DIXDC1: variants seen among roughly 807,000 people sequenced by gnomAD.
DIXDC1 encodes the protein DIX domain containing 1.
DIXDC1 carries 64 observed loss-of-function variants against 103.1 expected under a neutral mutation model. The ratio of observed to expected loss-of-function variants is 0.62; its 90% CI spans 0.51 to 0.76. DIXDC1 has a LOEUF of 0.76. Among genes scored for constraint, DIXDC1 ranks in the 30% least tolerant of loss-of-function variants. DIXDC1 has a pLI of 0.00. For synonymous variants in DIXDC1, 266 were observed against 298.5 expected (o/e 0.89, Z 1.12); for missense variants, 759 against 834.2 (o/e 0.91, Z 1.11).
chr11:111,951,536 A>G (rs781987399), intron 1 of DIXDC1, among the ~76,000 whole-genome samples: 2 of 152,206 alleles, frequency 1.3e-5, no homozygotes, highest in Non-Finnish European at 2.9e-5. Context: ...GACTAATATT[A>G]TTTATGAATA....
At chr11:111,930,796 A>T (rs1250222044) in intron 2 of DIXDC1, among the ~76,000 whole-genome samples, 4 of 151,044 alleles carry the variant, frequency 2.6e-5, no homozygotes, top group Admixed American at 1.3e-4. Flanking sequence ...CCAGGAGTTC[A>T]AGACCAGCCT....
chr11:112,015,594 G>T (rs1861558989), intron 17 of DIXDC1: 2 of 152,050 alleles, frequency 1.3e-5, no homozygotes, highest in African/African-American at 4.8e-5. Flanking sequence ...TTGAGGCAGG[G>T]AGTTCAAGAC....
intron 2 of DIXDC1, among the ~76,000 whole-genome samples, 154 bp downstream of exon 2, chr11:111,964,832 T>C (rs1859677859): frequency 6.6e-6 from 1 of 152,238 alleles, no homozygotes; most frequent in South Asian, 2.1e-4. Flanking sequence ...GGTTAATTCA[T>C]TTATTTATTC....
intron 2 of DIXDC1, among the ~76,000 whole-genome samples, chr11:111,968,188 T>G (rs1859799334): frequency 6.6e-6 from 1 of 152,218 alleles, no homozygotes; most frequent in East Asian, 1.9e-4. Context: ...GGGAGGGACT[T>G]TATTGTTCTT....
chr11:111,975,167 G>T lies in DIXDC1; in HGVS notation c.656+184G>T, dbSNP rs1238284756. 6 of 1,398,876 alleles carry T rather than the reference G, an allele frequency of 4.3e-6. No individual in the cohort carries two copies. In the East Asian group the frequency reaches 1.4e-4, roughly 32 times the overall value. 86.7% of individuals were successfully genotyped at this position (1,398,876 alleles called of 1,614,324 possible). On this transcript the variant is annotated intron_variant, in intron 5 of 19. Transcript: ENST00000440460. ...GCTAGTAGGAGGGTAGGAAGGTAGG[G>T]TGGGGTGCTGGTTTATTTCCCACAA...
intron 17 of DIXDC1, among the ~76,000 whole-genome samples, chr11:111,996,930 T>C (rs868966344): frequency 7.9e-5 from 12 of 152,176 alleles, no homozygotes; most frequent in African/African-American, 2.9e-4. Context: ...TGGCCATGGC[T>C]AGGAAGTGTA....
At chr11:111,982,594 A>G in intron 7 of DIXDC1, 107 bp downstream of exon 7, 1 of 1,236,462 alleles carries the variant, frequency 8.1e-7, no homozygotes. Context: ...TCAGAACTGA[A>G]TGAGGAGTTT....
intron 17 of DIXDC1, among the ~76,000 whole-genome samples, chr11:112,007,323 A>G (rs759347716): frequency 3.3e-5 from 5 of 152,226 alleles, no homozygotes; most frequent in Non-Finnish European, 7.3e-5. Flanking sequence ...GACCAAATCT[A>G]CGTTTGATTG....
chr11:111,931,217 C>G (rs1252998947), intron 2 of DIXDC1, among the ~76,000 whole-genome samples: 1 of 152,024 alleles, frequency 6.6e-6, no homozygotes, highest in Non-Finnish European at 1.5e-5. Context: ...TACCTGTAGT[C>G]CCAACTACTC....
At position 111,977,192 on chromosome 11, in the gene DIXDC1, A is replaced by C. The variant is rs1406459167; in HGVS notation, c.656+2209A>C. 6.9e-5 allele frequency: 39 copies of C among 564,062 alleles called. No individual in the cohort carries two copies. The highest frequency in any genetic ancestry group is 1.3e-4 in the Admixed American group (2 of 14,884). The allele number at this position is 564,062 out of a possible 1,614,324, so 34.9% of individuals were successfully genotyped here. ...CCGCCCAGCCCCGCCCCTGGCCCGC[A>C]CCCTCAACCTCCGTCCAGAGCGGTC... On this transcript the variant is annotated intron_variant, in intron 5 of 19. Transcript: ENST00000440460. The surrounding 1 kb of genome is among the most constrained non-coding windows in gnomAD (Gnocchi z 6.1).
chr11:111,981,401 G>T (rs1860302920), intron 6 of DIXDC1, among the ~76,000 whole-genome samples: 1 of 152,170 alleles, frequency 6.6e-6, no homozygotes, highest in Non-Finnish European at 1.5e-5. Flanking sequence ...CAAAGTGCAA[G>T]ACTTAGAATT....
rs1355832677 is a variant in DIXDC1, at chr11:111,993,787, G to A, written c.1437+47G>A. The stretch of plus-strand genomic sequence containing the variant: ...CCCTCCCACATTTATGAAGCAAACG[G>A]GGAGATTGTGTTTCTGACTCAGAGC... On this transcript the variant is annotated intron_variant, in intron 14 of 19. Coordinates refer to ENST00000440460, the MANE Select transcript of DIXDC1 (RefSeq NM_001037954.4). The A allele has an allele frequency of 3.8e-6, 6 of 1,597,432 alleles. No individual in the cohort carries two copies. The East Asian group carries it at 9.0e-5, about 24-fold the overall frequency.
intron 9 of DIXDC1, 35 bp from the exon 10 acceptor site, chr11:111,988,970 T>C: frequency 1.3e-6 from 2 of 1,594,566 alleles, no homozygotes; most frequent in Non-Finnish European, 1.7e-6. Context: ...GCAACCCAGA[T>C]GTCACCATCT....
intron 10 of DIXDC1, among the ~76,000 whole-genome samples, chr11:111,991,293 A>G (rs1555174514): frequency 6.6e-6 from 1 of 152,234 alleles, no homozygotes; most frequent in Admixed American, 6.5e-5. Context: ...GGTCTGTCAT[A>G]AAGAGGTTGG....
chr11:111,950,438 A>ATATATATATATATATATATCT (rs1566474004), intron 1 of DIXDC1, among the ~76,000 whole-genome samples: 1 of 15,164 alleles, frequency 6.6e-5, no homozygotes, highest in Non-Finnish European at 1.1e-4. Flanking sequence ...ATATATATAT[A>ATATATATATATATATATATCT]TTTTTTTTTT....
intron 1 of DIXDC1, among the ~76,000 whole-genome samples, chr11:111,949,700 A>G (rs1966712599): frequency 6.6e-6 from 1 of 152,100 alleles, no homozygotes; most frequent in Non-Finnish European, 1.5e-5. Flanking sequence ...TGTTTCTCCA[A>G]CATTATCACC....
chr11:112,003,778 A>G (rs1448858861), intron 17 of DIXDC1, among the ~76,000 whole-genome samples: 1 of 151,806 alleles, frequency 6.6e-6, no homozygotes, highest in Non-Finnish European at 1.5e-5. Flanking sequence ...AGCCTGGGAA[A>G]CAAGAGTGAA....
chr11:111,968,844 G>T (rs782613140), intron 3 of DIXDC1, among the ~76,000 whole-genome samples: 16 of 151,964 alleles, frequency 1.1e-4, no homozygotes, highest in Non-Finnish European at 1.8e-4. Context: ...GCACAATCTT[G>T]GTTCACTGCA....
upstream of DIXDC1, among the ~76,000 whole-genome samples, chr11:111,935,078 T>C (rs1184576567): frequency 6.6e-6 from 1 of 152,206 alleles, no homozygotes; most frequent in Non-Finnish European, 1.5e-5. Flanking sequence ...AGTTATAGAC[T>C]TTTAGGGAAT....
Sources: allele counts gnomAD v4.1 joint callset (sites outside exome capture counted in the v4.1 genomes callset), GRCh38; gene constraint gnomAD v4.1.1; non-coding constraint Gnocchi (gnomAD v3.1); transcripts MANE v1.5; gene names NCBI Gene and HGNC (gene_info 2026-07-23, HGNC 2026-07-21).